The following TARDBP variants were observed in gnomAD, a reference collection of about 807,000 sequenced individuals.
The protein encoded by TARDBP is TAR DNA-binding protein 43.
A neutral mutation model predicts 38.3 loss-of-function variants in TARDBP; 4 were observed. The ratio of observed to expected loss-of-function variants is 0.10; its 90% CI spans 0.05 to 0.24. The LOEUF is 0.24. Ranked by LOEUF, TARDBP falls within the 10% of genes least tolerant of loss-of-function variation. The probability of loss-of-function intolerance (pLI) is 1.00; values close to 1 mark genes in which losing one functional copy is unlikely to be tolerated. For synonymous variants in TARDBP, 184 were observed against 183.8 expected, an observed-to-expected ratio of 1.00 and a Z score of -0.01; for missense variants, 202 against 521.9, an observed-to-expected ratio of 0.39 and a Z score of 5.97.
Position 11,025,329 on chromosome 1 carries a change from C to A in TARDBP, c.*2675C>A, listed in dbSNP as rs879892176. On this transcript the variant is annotated 3_prime_UTR_variant, in exon 6 of 6. Coordinates refer to ENST00000240185, the MANE Select transcript of TARDBP (RefSeq NM_007375.4). ...TTTTATTAACATGTTTATGGTACTG[C>A]ATAGATACGGGTATTTATTTTACCC... 8 of 152,308 alleles carry A rather than the reference C, an allele frequency of 5.3e-5. No individual in the cohort carries two copies. The highest frequency in any genetic ancestry group is 1.9e-4 in the African/African-American group (8 of 41,426). The allele number at this position is 152,308 out of a possible 1,614,324, so 9.4% of individuals were successfully genotyped here. A position where few individuals can be genotyped will look rare whatever the true frequency, so the allele number is the denominator to read the frequency against.
In TARDBP at chr1:11,022,320, G is replaced by A; in HGVS notation, c.911G>A (p.Gly304Asp). 6.2e-7 allele frequency: 1 copy of A among 1,613,956 alleles called. No homozygotes were observed. The highest frequency in any genetic ancestry group is 8.5e-7 in the Non-Finnish European group (1 of 1,179,870). The part of the protein sequence containing the change: ...GGGAGLGNNQ[G>D]SNMGGGMNFG... Reference sequence around the variant, plus strand: ...GGAGCTGGTTTGGGAAACAATCAAGGTAGTAATATGGGTGGTGGGATGAAC... The same window carrying A: ...GGAGCTGGTTTGGGAAACAATCAAGATAGTAATATGGGTGGTGGGATGAAC... Residue 304 changes from glycine to aspartate, a missense_variant, in exon 6 of 6, where the codon GGT (glycine) becomes GAT (aspartate). Physicochemically the swap from Gly to Asp is moderately conservative, Grantham distance 94. Around this residue, in one of 5 missense-constraint regions of TARDBP, gnomAD observed 107 missense variants for 190.5 expected, o/e 0.56. Coordinates refer to ENST00000240185, the MANE Select transcript of TARDBP (RefSeq NM_007375.4). The surrounding 1 kb of genome is among the most constrained non-coding windows in gnomAD (Gnocchi z 4.5).
intron 3 of TARDBP, among the ~76,000 whole-genome samples, chr1:11,018,125 G>T (rs1260932680): frequency 6.6e-6 from 1 of 151,844 alleles, no homozygotes; most frequent in Admixed American, 6.6e-5. Flanking sequence ...CTCATGATCT[G>T]CCCGCCTCCG....
At chr1:11,019,884 G>T (rs12740993) in intron 4 of TARDBP, among the ~76,000 whole-genome samples, 19 of 121,074 alleles carry the variant, frequency 1.6e-4, no homozygotes, top group African/African-American at 6.1e-4. Context: ...TTTTTTTTGA[G>T]ATGGAGTTTC....
intron 3 of TARDBP, chr1:11,018,337 TGCCACTACACCTG>T (rs1320441673): frequency 2.7e-5 from 7 of 258,938 alleles, no homozygotes; most frequent in Non-Finnish European, 3.8e-5. Context: ...TACAGGTGCA[TGCCACTACACCTG>T]GCTAATCTTT....
intron 4 of TARDBP, among the ~76,000 whole-genome samples, chr1:11,019,507 T>A (rs1479078178): frequency 6.6e-6 from 1 of 152,196 alleles, no homozygotes; most frequent in Non-Finnish European, 1.5e-5. Flanking sequence ...CAATAGGCTA[T>A]ACCATCTAGC....
downstream of TARDBP, chr1:11,027,494 G>A (rs201886741): frequency 9.2e-5 from 149 of 1,614,086 alleles, no homozygotes; most frequent in Non-Finnish European, 1.0e-4. Context: ...GCTCATAGAC[G>A]GCATGAGCAG....
At chr1:11,021,182 G>A (rs1394027348) in intron 5 of TARDBP, among the ~76,000 whole-genome samples, 3 of 151,284 alleles carry the variant, frequency 2.0e-5, no homozygotes, top group East Asian at 3.9e-4. Flanking sequence ...CTTGTTGCCC[G>A]GGCTGGAGTG....
rs766970471 is a variant in TARDBP, at chr1:11,016,813, T to A, written c.239-31T>A. 4 of 1,611,776 alleles carry A rather than the reference T, an allele frequency of 2.5e-6. No individual in the cohort carries two copies. In the South Asian group the frequency reaches 4.4e-5, roughly 18 times the overall value. On this transcript the variant is annotated intron_variant, in intron 2 of 5. Transcript: ENST00000240185. The stretch of plus-strand genomic sequence containing the variant: ...TTTTTAAAGAAGTGCTAAGTGAAGA[T>A]TTCTAAAAGGTTTCTGCTCGTTTTA...
downstream of TARDBP, among the ~76,000 whole-genome samples, chr1:11,028,777 A>G (rs1643788768): frequency 6.8e-6 from 1 of 146,560 alleles, no homozygotes; most frequent in Non-Finnish European, 1.5e-5. Context: ...GCAGTGGTAC[A>G]ATCTTGGCTC....
chr1:11,025,392 T>G lies in TARDBP; in HGVS notation c.*2738T>G, dbSNP rs989739027. 10 of 152,230 alleles carry G rather than the reference T, an allele frequency of 6.6e-5. No individual in the cohort carries two copies. The highest frequency in any genetic ancestry group is 2.4e-4 in the African/African-American group (10 of 41,462). The allele number at this position is 152,230 out of a possible 1,614,324, so 9.4% of individuals were successfully genotyped here. ...GAAGTTTAAAAGTACTTAAACTATTTGGCAAAGATTTGTTTTTAAAAATCT... is the reference window on the plus strand; with the variant it reads ...GAAGTTTAAAAGTACTTAAACTATTGGGCAAAGATTTGTTTTTAAAAATCT... On this transcript the variant is annotated 3_prime_UTR_variant, in exon 6 of 6. Transcript: ENST00000240185.
At chr1:11,021,226 C>A (rs1322927726) in intron 5 of TARDBP, among the ~76,000 whole-genome samples, 1 of 151,930 alleles carries the variant, frequency 6.6e-6, no homozygotes, top group Non-Finnish European at 1.5e-5. Context: ...GCATCCTCCA[C>A]CTCATGGGTT....
downstream of TARDBP, chr1:11,026,669 AC>A: frequency 7.8e-6 from 3 of 384,206 alleles, no homozygotes; most frequent in Non-Finnish European, 9.2e-6. Flanking sequence ...GATGACTGTC[AC>A]TCTCGTGGTT....
chr1:11,022,770 A>G lies in TARDBP; in HGVS notation c.*116A>G. 1 of 1,474,030 alleles carries G rather than the reference A, an allele frequency of 6.8e-7. No individual in the cohort carries two copies. The highest frequency in any genetic ancestry group is 2.3e-5 in the East Asian group (1 of 42,586). The allele number at this position is 1,474,030 out of a possible 1,614,324, so 91.3% of individuals were successfully genotyped here. On this transcript the variant is annotated 3_prime_UTR_variant, in exon 6 of 6. Transcript: ENST00000240185. The surrounding 1 kb of genome is among the most constrained non-coding windows in gnomAD (Gnocchi z 4.5). ...AAGAATTTTCAAAATTGGTTTGTTC[A>G]GTGTGGAGTATATTCAGCAGTATTT...
chr1:11,019,994 G>A (rs896874046), intron 4 of TARDBP, among the ~76,000 whole-genome samples: 2 of 151,656 alleles, frequency 1.3e-5, no homozygotes, highest in African/African-American at 4.9e-5. Flanking sequence ...CTCCCAAGAT[G>A]CTGGGATTAC....
At chr1:11,013,489 T>TA (rs1345657374) in intron 1 of TARDBP, among the ~76,000 whole-genome samples, 4 of 152,208 alleles carry the variant, frequency 2.6e-5, no homozygotes, top group Non-Finnish European at 5.9e-5. Flanking sequence ...TCATAAGCCT[T>TA]CAGGGAAAGT....
chr1:11,014,868 A>G (rs907351210), intron 2 of TARDBP, among the ~76,000 whole-genome samples: 4 of 151,814 alleles, frequency 2.6e-5, no homozygotes, highest in Non-Finnish European at 5.9e-5. Context: ...ACCGGGAGGC[A>G]GAGGTTGCAG....
intron 4 of TARDBP, 51 bp from the exon 5 acceptor site, chr1:11,020,377 TC>T: frequency 1.2e-6 from 2 of 1,608,708 alleles, no homozygotes; most frequent in Middle Eastern, 3.3e-4. Flanking sequence ...AATGTTTTTT[TC>T]ATTGTTCATA....
Position 11,024,652 on chromosome 1 carries a change from TTGTC to T in TARDBP, c.*2005_*2008del, listed in dbSNP as rs1402594181. The T allele has an allele frequency of 6.5e-6, 1 of 152,686 alleles. No homozygotes were observed. Among genetic ancestry groups the T allele is most frequent in the African/African-American group, 2.4e-5 (1 of 41,420 alleles). 9.5% of individuals were successfully genotyped at this position (152,686 alleles called of 1,614,324 possible). A position where few individuals can be genotyped will look rare whatever the true frequency, so the allele number is the denominator to read the frequency against. Reference sequence around the variant, plus strand: ...TGATAGCTTTAAGAATTAGGGTGGGTTGTCTGTCTGGAAGTGTTAAGTGGAATGG... The same window carrying T: ...TGATAGCTTTAAGAATTAGGGTGGGTTGTCTGGAAGTGTTAAGTGGAATGG... On this transcript the variant is annotated 3_prime_UTR_variant, in exon 6 of 6. Transcript: ENST00000240185.
Position 11,023,601 on chromosome 1 carries a change from GATAGCAAATA to G in TARDBP, c.*950_*959del, listed in dbSNP as rs1643680858. 3.1e-6 allele frequency: 1 copy of G among 327,790 alleles called. No individual in the cohort carries two copies. Among genetic ancestry groups the G allele is most frequent in the Admixed American group, 4.7e-5 (1 of 21,312 alleles). 20.3% of individuals were successfully genotyped at this position (327,790 alleles called of 1,614,324 possible). A position where few individuals can be genotyped will look rare whatever the true frequency, so the allele number is the denominator to read the frequency against. ...GGTGAGAGAGTGTGCAGAGAGCAAT[GATAGCAAATA>G]ATGTACGAATGTTTTTTGCATTCAA... On this transcript the variant is annotated 3_prime_UTR_variant, in exon 6 of 6. Transcript: ENST00000240185.
Sources: gnomAD v4.1 joint callset for allele counts (sites outside exome capture counted in the v4.1 genomes callset) on GRCh38, gnomAD v4.1.1 for gene constraint, gnomAD v4.1.1 regional missense constraint, Gnocchi (gnomAD v3.1) non-coding constraint, MANE v1.5 for transcripts, NCBI Gene and HGNC (gene_info 2026-07-23, HGNC 2026-07-21) for gene names.